STAU2: variants seen among roughly 807,000 people sequenced by gnomAD.
STAU2 encodes the protein staufen double-stranded RNA binding protein 2.
A neutral mutation model predicts 65.9 loss-of-function variants in STAU2; 20 were observed. The ratio of observed to expected loss-of-function variants is 0.30; its 90% CI spans 0.21 to 0.44. STAU2 has a LOEUF of 0.44. Among genes scored for constraint, STAU2 ranks in the 20% least tolerant of loss-of-function variants. The pLI is 1.00. For missense variants in STAU2, 558 were observed against 683.9 expected (o/e 0.82, Z 2.05); for synonymous variants, 232 against 233.9 (o/e 0.99, Z 0.07).
At chr8:73,579,799 A>G (rs1418217656) in intron 12 of STAU2, among the ~76,000 whole-genome samples, 2 of 152,208 alleles carry the variant, frequency 1.3e-5, no homozygotes, top group Non-Finnish European at 2.9e-5. Context: ...AGCAGCACCC[A>G]AAAACTAGGT....
At chr8:73,664,055 T>G (rs1817047454) in intron 6 of STAU2, among the ~76,000 whole-genome samples, 1 of 152,116 alleles carries the variant, frequency 6.6e-6, no homozygotes, top group African/African-American at 2.4e-5. Context: ...TAATGTGGGG[T>G]TCTTTGTTGT....
At chr8:73,575,634 A>G (rs1809485873) in intron 12 of STAU2, among the ~76,000 whole-genome samples, 1 of 152,158 alleles carries the variant, frequency 6.6e-6, no homozygotes, top group South Asian at 2.1e-4. Flanking sequence ...ATACATATCA[A>G]TAGGAAAGGA....
intron 9 of STAU2, among the ~76,000 whole-genome samples, chr8:73,611,714 G>A (rs1444103739): frequency 6.6e-6 from 1 of 151,074 alleles, no homozygotes; most frequent in East Asian, 1.9e-4. Context: ...ATCTCATTCT[G>A]TCACCAAGGC....
At chr8:73,657,309 A>G (rs1816455813) in intron 6 of STAU2, among the ~76,000 whole-genome samples, 1 of 152,260 alleles carries the variant, frequency 6.6e-6, no homozygotes, top group Non-Finnish European at 1.5e-5. Flanking sequence ...ACAGTCTCAA[A>G]TCAAAATATA....
intron 12 of STAU2, among the ~76,000 whole-genome samples, chr8:73,574,387 C>G (rs952443788): frequency 6.6e-6 from 1 of 152,116 alleles, no homozygotes; most frequent in Admixed American, 6.6e-5. Context: ...ACCATTTGAC[C>G]CAGCCATCCC....
intron 13 of STAU2, among the ~76,000 whole-genome samples, chr8:73,443,908 T>C (rs1267883650): frequency 2.6e-5 from 4 of 151,540 alleles, no homozygotes; most frequent in Non-Finnish European, 5.9e-5. Context: ...TAAAGTTAGC[T>C]AACTGCTAAA....
chr8:73,697,782 A>G (rs377099430), intron 4 of STAU2, among the ~76,000 whole-genome samples: 6 of 152,196 alleles, frequency 3.9e-5, no homozygotes, highest in Admixed American at 2.6e-4. Flanking sequence ...ATAATGCGTT[A>G]TAAGTATTAG....
At chr8:73,658,979 T>C (rs12679135) in intron 6 of STAU2, among the ~76,000 whole-genome samples, 41,201 of 150,482 alleles carry the variant, frequency 0.27, 6,170 homozygotes, top group East Asian at 0.45. Flanking sequence ...AATTGCTTTC[T>C]AAATCCAACG....
chr8:73,709,284 A>G, intron 3 of STAU2, 122 bp from the exon 4 acceptor site: 1 of 910,798 alleles, frequency 1.1e-6, no homozygotes, highest in South Asian at 2.3e-5. Flanking sequence ...TTGTATTTTA[A>G]AAATTCAAAT....
intron 13 of STAU2, among the ~76,000 whole-genome samples, chr8:73,485,041 T>G (rs892946592): frequency 4.0e-5 from 6 of 151,660 alleles, no homozygotes; most frequent in African/African-American, 1.5e-4. Flanking sequence ...GAACAGCCCC[T>G]GTTGTTTGGA....
At chr8:73,680,764 T>TA (rs1195757795) in intron 5 of STAU2, among the ~76,000 whole-genome samples, 1 of 151,344 alleles carries the variant, frequency 6.6e-6, no homozygotes, top group East Asian at 2.0e-4. Context: ...GAATCATAAA[T>TA]AAAAAAGAGT....
At chr8:73,595,842 C>T (rs771222250) in intron 10 of STAU2, among the ~76,000 whole-genome samples, 3 of 152,138 alleles carry the variant, frequency 2.0e-5, no homozygotes, top group African/African-American at 7.2e-5. Context: ...TCTGGCCAGG[C>T]GCAGTGGCTC....
chr8:73,452,700 C>T (rs759479649), intron 13 of STAU2, among the ~76,000 whole-genome samples: 2 of 152,158 alleles, frequency 1.3e-5, no homozygotes, highest in Non-Finnish European at 2.9e-5. Flanking sequence ...AAAGCCAAAA[C>T]GTATTTTTTA....
intron 13 of STAU2, among the ~76,000 whole-genome samples, chr8:73,546,119 T>C (rs1806903115): frequency 9.5e-6 from 1 of 104,946 alleles, no homozygotes; most frequent in Non-Finnish European, 2.0e-5. Flanking sequence ...TTTTGTTTGG[T>C]TTTCTTTTTT....
chr8:73,589,041 G>A (rs566495456), intron 11 of STAU2, among the ~76,000 whole-genome samples: 1 of 152,254 alleles, frequency 6.6e-6, no homozygotes, highest in South Asian at 2.1e-4. Flanking sequence ...CAGCAAAGAA[G>A]AGACCTCTAA....
intron 6 of STAU2, among the ~76,000 whole-genome samples, chr8:73,667,290 T>C (rs1181022474): frequency 6.6e-6 from 1 of 152,132 alleles, no homozygotes; most frequent in Non-Finnish European, 1.5e-5. Context: ...TATCCAATTA[T>C]TTTATCCCTC....
intron 13 of STAU2, among the ~76,000 whole-genome samples, chr8:73,456,852 A>G (rs1280917516): frequency 6.6e-6 from 1 of 152,228 alleles, no homozygotes; most frequent in Non-Finnish European, 1.5e-5. Flanking sequence ...TTCAAATTCC[A>G]GGAGTTGTAC....
chr8:73,551,897 C>T (rs941362740), intron 13 of STAU2, 115 bp downstream of exon 13: 108 of 1,361,940 alleles, frequency 7.9e-5, no homozygotes, highest in Middle Eastern at 1.9e-4. Context: ...TAACTTAAAA[C>T]GTAAGTGGCA....
intron 12 of STAU2, among the ~76,000 whole-genome samples, chr8:73,561,019 T>C (rs1402095999): frequency 6.6e-6 from 1 of 152,116 alleles, no homozygotes. Context: ...CTTACACAAA[T>C]GCAGTAACTT....
Sources: gnomAD v4.1 joint callset for allele counts (sites outside exome capture counted in the v4.1 genomes callset) on GRCh38, gnomAD v4.1.1 for gene constraint, MANE v1.5 for transcripts, NCBI Gene and HGNC (gene_info 2026-07-23, HGNC 2026-07-21) for gene names.